The following KIF1B variants were observed in gnomAD, a reference collection of about 807,000 sequenced individuals.
KIF1B encodes kinesin-like protein KIF1B.
KIF1B carries 76 observed loss-of-function variants against 241.9 expected under a neutral mutation model. The observed-to-expected ratio is 0.31, with a 90% CI of 0.26 to 0.38. The LOEUF is 0.38. Among genes scored for constraint, KIF1B ranks in the 10% least tolerant of loss-of-function variants. KIF1B has a pLI of 1.00. For missense variants in KIF1B, 1,622 were observed against 2,271.4 expected, an observed-to-expected ratio of 0.71 and a Z score of 5.81; for synonymous variants, 750 against 796.7, an observed-to-expected ratio of 0.94 and a Z score of 0.99.
At chr1:10,316,055 CAAAAAAAAA>C (rs1308346575) in intron 22 of KIF1B, among the ~76,000 whole-genome samples, 4 of 25,818 alleles carry the variant, frequency 1.5e-4, no homozygotes, top group African/African-American at 5.8e-4. Context: ...AACTCCATCT[CAAAAAAAAA>C]AAAAAAAAAA....
chr1:10,296,627 A>T lies in KIF1B; in HGVS notation c.1823A>T (p.Asn608Ile), dbSNP rs1324268201. The part of the protein sequence containing the change: ...EPCERSETYV[N>I]GKRVSQPVQL... ...TGTGAGCGCTCAGAAACCTACGTAA[A>T]TGGCAAGAGGGTGTCCCAGCCTGTT... Residue 608 changes from asparagine to isoleucine, a missense_variant, in exon 20 of 49, where the codon AAT becomes ATT. By Grantham distance (149) the Asn-to-Ile change is moderately radical. Around this residue, in one of 7 missense-constraint regions of KIF1B, gnomAD observed 803 missense variants for 1,112.0 expected, o/e 0.72. Coordinates refer to ENST00000676179, the MANE Select transcript of KIF1B (RefSeq NM_001365951.3). The T allele has an allele frequency of 6.2e-7, 1 of 1,613,968 alleles. No homozygotes were observed. Among genetic ancestry groups the T allele is most frequent in the Non-Finnish European group, 8.5e-7 (1 of 1,179,956 alleles).
intron 17 of KIF1B, among the ~76,000 whole-genome samples, chr1:10,293,338 A>G (rs1177797596): frequency 6.6e-6 from 1 of 151,886 alleles, no homozygotes; most frequent in Non-Finnish European, 1.5e-5. Flanking sequence ...GTGCCTATGC[A>G]TATGTCTAAT....
intron 43 of KIF1B, among the ~76,000 whole-genome samples, chr1:10,366,454 C>T (rs1262078588): frequency 1.3e-5 from 2 of 151,094 alleles, no homozygotes; most frequent in East Asian, 1.9e-4. Flanking sequence ...TGGTGTCCTG[C>T]GTGATCAGGA....
intron 5 of KIF1B, among the ~76,000 whole-genome samples, chr1:10,263,270 C>CA (rs796479599): frequency 7.8e-4 from 109 of 139,790 alleles, no homozygotes; most frequent in East Asian, 3.5e-3. Flanking sequence ...GAGTCTGTCT[C>CA]AAAAAAAAAA....
At chr1:10,370,364 C>T (rs1243324469) in intron 44 of KIF1B, among the ~76,000 whole-genome samples, 3 of 151,978 alleles carry the variant, frequency 2.0e-5, no homozygotes, top group South Asian at 2.1e-4. Context: ...GAGTTCAAGA[C>T]GAGCCTGGGC....
chr1:10,263,280 AT>A (rs200710082), intron 5 of KIF1B, among the ~76,000 whole-genome samples: 10,496 of 138,414 alleles, frequency 0.076, 515 homozygotes, highest in African/African-American at 0.13. Flanking sequence ...CAAAAAAAAA[AT>A]AATAATAATA....
intron 22 of KIF1B, chr1:10,304,927 C>G (rs1172420675): frequency 2.3e-6 from 3 of 1,293,106 alleles, no homozygotes; most frequent in Non-Finnish European, 3.0e-6. Flanking sequence ...TACTTACTTA[C>G]ACAGACTTGT....
intron 22 of KIF1B, chr1:10,306,935 TTAGG>T: frequency 9.6e-7 from 1 of 1,046,258 alleles, no homozygotes; most frequent in Non-Finnish European, 1.2e-6. Context: ...CCACTGGTGA[TTAGG>T]TAATACTGTA....
chr1:10,320,400 T>C lies in KIF1B; in HGVS notation c.2209+264T>C, dbSNP rs111574601. On this transcript the variant is annotated intron_variant, in intron 23 of 48. Coordinates refer to ENST00000676179, the MANE Select transcript of KIF1B (RefSeq NM_001365951.3). ...ACGTTCATTTAAATCCCTTAGGAAGTTGACCTGCACTGTCTCTCATATTGC... is the reference window on the plus strand; with the variant it reads ...ACGTTCATTTAAATCCCTTAGGAAGCTGACCTGCACTGTCTCTCATATTGC... Among the ~76,000 whole-genome samples the C allele has an allele frequency of 1.6e-3, 245 of 152,352 alleles. 1 individual carries two copies. Among genetic ancestry groups the C allele is most frequent in the African/African-American group, 5.5e-3 (230 of 41,584 alleles).
intron 1 of KIF1B, among the ~76,000 whole-genome samples, chr1:10,220,412 TAGA>T (rs753607113): frequency 6.7e-6 from 1 of 149,656 alleles, no homozygotes; most frequent in African/African-American, 2.5e-5. Flanking sequence ...GATAGATAGA[TAGA>T]TAGATAGATA....
chr1:10,291,659 C>T (rs917451979), intron 16 of KIF1B, among the ~76,000 whole-genome samples: 4 of 151,528 alleles, frequency 2.6e-5, no homozygotes, highest in African/African-American at 7.3e-5. Flanking sequence ...TTGCAGTGAG[C>T]CGAGATGGTG....
intron 3 of KIF1B, among the ~76,000 whole-genome samples, chr1:10,258,216 A>G (rs1280731424): frequency 6.6e-6 from 1 of 152,216 alleles, no homozygotes; most frequent in Non-Finnish European, 1.5e-5. Context: ...AAGGTTATAG[A>G]AAGTGAAATG....
intron 15 of KIF1B, among the ~76,000 whole-genome samples, chr1:10,285,424 A>G (rs907418026): frequency 6.6e-6 from 1 of 152,192 alleles, no homozygotes; most frequent in Non-Finnish European, 1.5e-5. Flanking sequence ...GTGTCTTCCA[A>G]ATAATTTCTA....
intron 2 of KIF1B, among the ~76,000 whole-genome samples, chr1:10,242,045 A>C (rs1190313812): frequency 6.6e-6 from 1 of 152,226 alleles, no homozygotes; most frequent in Non-Finnish European, 1.5e-5. Flanking sequence ...TGTGGTGTTT[A>C]GGGATGAATG....
At chr1:10,340,616 G>C (rs1021355575) in intron 32 of KIF1B, among the ~76,000 whole-genome samples, 2 of 152,178 alleles carry the variant, frequency 1.3e-5, no homozygotes, top group Non-Finnish European at 2.9e-5. Flanking sequence ...GGCCGAGGCA[G>C]GTGGATCACT....
At chr1:10,313,622 C>T (rs979887806) in intron 22 of KIF1B, among the ~76,000 whole-genome samples, 1 of 144,906 alleles carries the variant, frequency 6.9e-6, no homozygotes, top group African/African-American at 2.6e-5. Flanking sequence ...GCAATCTCGG[C>T]TCACTGCAAG....
chr1:10,301,750 T>A (rs1431844625), intron 22 of KIF1B, among the ~76,000 whole-genome samples: 2 of 152,214 alleles, frequency 1.3e-5, no homozygotes, highest in African/African-American at 4.8e-5. Flanking sequence ...TCCCAGCAAC[T>A]TTTATCTCCC....
At chr1:10,366,979 T>A (rs190763070) in intron 43 of KIF1B, among the ~76,000 whole-genome samples, 296 of 151,966 alleles carry the variant, frequency 1.9e-3, no homozygotes, top group African/African-American at 6.8e-3. Flanking sequence ...TCAAAAAATA[T>A]ATATATTTCT....
chr1:10,297,993 T>C (rs889288650), intron 22 of KIF1B, among the ~76,000 whole-genome samples: 3 of 152,238 alleles, frequency 2.0e-5, no homozygotes, highest in African/African-American at 7.2e-5. Context: ...CCAGATTTGA[T>C]AGAAACTGAA....
Sources: allele counts gnomAD v4.1 joint callset (sites outside exome capture counted in the v4.1 genomes callset), GRCh38; gene constraint gnomAD v4.1.1; regional missense constraint gnomAD v4.1.1; transcripts MANE v1.5; gene names NCBI Gene and HGNC (gene_info 2026-07-23, HGNC 2026-07-21).